FXR1: variants seen among roughly 807,000 people sequenced by gnomAD.
FXR1 encodes RNA-binding protein FXR1.
FXR1 carries 15 observed loss-of-function variants against 84.0 expected under a neutral mutation model. The observed-to-expected ratio is 0.18, with a 90% CI of 0.12 to 0.27. The LOEUF is 0.27. Ranked by LOEUF, FXR1 falls within the 10% of genes least tolerant of loss-of-function variation. The pLI is 1.00. For missense variants in FXR1, 480 were observed against 774.4 expected (o/e 0.62, Z 4.51); for synonymous variants, 245 against 250.7 (o/e 0.98, Z 0.21).
chr3:180,926,507 T>TATATATATATATATATA (rs397991792), intron 1 of FXR1, among the ~76,000 whole-genome samples: 15 of 79,194 alleles, frequency 1.9e-4, no homozygotes, highest in Non-Finnish European at 1.3e-4. Context: ...TATATATATA[T>TATATATATATATATATA]TTTTTTTTCT....
chr3:180,968,511 C>T (rs1713125526), intron 14 of FXR1: 2 of 305,054 alleles, frequency 6.6e-6, no homozygotes, highest in Non-Finnish European at 1.2e-5. Context: ...ATGTTTCTCT[C>T]TTCAGGTTTT....
intron 9 of FXR1, among the ~76,000 whole-genome samples, chr3:180,954,902 A>G (rs1221174357): frequency 1.7e-4 from 20 of 119,022 alleles, no homozygotes; most frequent in African/African-American, 6.4e-4. Context: ...TTTGGTCATT[A>G]GTAAGTAGTA....
intron 3 of FXR1, among the ~76,000 whole-genome samples, chr3:180,935,920 T>A (rs1273933773): frequency 6.6e-6 from 1 of 150,810 alleles, no homozygotes; most frequent in Non-Finnish European, 1.5e-5. Flanking sequence ...TGAGATGGAG[T>A]TTCCCTCGTC....
intron 16 of FXR1, 50 bp from the exon 17 acceptor site, chr3:180,976,072 C>T (rs371309803): frequency 2.7e-6 from 4 of 1,455,868 alleles, no homozygotes; most frequent in African/African-American, 1.4e-5. Flanking sequence ...TCCTCCTCAG[C>T]TATAGATTTC....
At chr3:180,935,686 A>G (rs1159699049) in intron 3 of FXR1, among the ~76,000 whole-genome samples, 1 of 152,194 alleles carries the variant, frequency 6.6e-6, no homozygotes, top group Non-Finnish European at 1.5e-5. Context: ...TCTGCCTTCT[A>G]CAATATTCTA....
At position 180,981,931 on chromosome 3, in the gene FXR1, T is replaced by C. The variant is rs1320639050; in HGVS notation, c.*5639T>C. 2.0e-5 allele frequency: 3 copies of C among 152,020 alleles called. No individual in the cohort carries two copies. Among genetic ancestry groups the C allele is most frequent in the Non-Finnish European group, 2.9e-5 (2 of 67,948 alleles). The allele number at this position is 152,020 out of a possible 1,614,324, so 9.4% of individuals were successfully genotyped here. ...CAAAGTGTGTTTAATCATGCCGCCT[T>C]CTTTAAAATATATCTGGAAGCACCA... On this transcript the variant is annotated 3_prime_UTR_variant, in exon 17 of 17. Transcript: ENST00000357559.
At chr3:180,920,492 A>G (rs1178409125) in intron 1 of FXR1, among the ~76,000 whole-genome samples, 1 of 151,814 alleles carries the variant, frequency 6.6e-6, no homozygotes, top group Non-Finnish European at 1.5e-5. Flanking sequence ...AAACTCTGCA[A>G]CGAGAAAGTC....
At chr3:180,961,204 G>A (rs995725415) in intron 10 of FXR1, among the ~76,000 whole-genome samples, 2 of 151,892 alleles carry the variant, frequency 1.3e-5, no homozygotes, top group African/African-American at 4.8e-5. Flanking sequence ...GCTGGTTGTG[G>A]TGACACGCAT....
At chr3:180,955,029 C>T (rs1722611073) in intron 9 of FXR1, among the ~76,000 whole-genome samples, 2 of 145,054 alleles carry the variant, frequency 1.4e-5, no homozygotes, top group Non-Finnish European at 3.0e-5. Context: ...TGCTTTGTCA[C>T]TCAGGCTGGA....
intron 1 of FXR1, among the ~76,000 whole-genome samples, chr3:180,924,025 C>G (rs1718880615): frequency 6.6e-6 from 1 of 152,058 alleles, no homozygotes; most frequent in Admixed American, 6.6e-5. Flanking sequence ...GTGGCGTGGT[C>G]TTGGCCCACT....
intron 16 of FXR1, among the ~76,000 whole-genome samples, chr3:180,975,727 T>C (rs1714156363): frequency 6.6e-6 from 1 of 152,196 alleles, no homozygotes; most frequent in Admixed American, 6.5e-5. Context: ...CTTTTAAATT[T>C]TAGTTCTTTT....
At chr3:180,963,477 CTCTT>C (rs565965737) in intron 13 of FXR1, among the ~76,000 whole-genome samples, 93 of 152,160 alleles carry the variant, frequency 6.1e-4, no homozygotes, top group Non-Finnish European at 1.0e-3. Flanking sequence ...TTTGTCTACC[CTCTT>C]TAAGTAAAAA....
At chr3:180,956,322 A>G (rs146611637) in intron 9 of FXR1, among the ~76,000 whole-genome samples, 1 of 152,308 alleles carries the variant, frequency 6.6e-6, no homozygotes, top group East Asian at 1.9e-4. Flanking sequence ...CTCAATTTAT[A>G]CTACAGGTCT....
chr3:180,942,816 G>A (rs989606071), intron 3 of FXR1, among the ~76,000 whole-genome samples: 4 of 152,084 alleles, frequency 2.6e-5, no homozygotes, highest in African/African-American at 7.2e-5. Context: ...TGACAGATTC[G>A]TAAATCAATT....
chr3:180,976,462 C>T lies in FXR1; in HGVS notation c.*170C>T. 1 of 494,928 alleles carries T rather than the reference C, an allele frequency of 2.0e-6. No individual in the cohort carries two copies. The highest frequency in any genetic ancestry group is 3.6e-6 in the Non-Finnish European group (1 of 275,924). The allele number at this position is 494,928 out of a possible 1,614,324, so 30.7% of individuals were successfully genotyped here. A position where few individuals can be genotyped will look rare whatever the true frequency, so the allele number is the denominator to read the frequency against. On this transcript the variant is annotated 3_prime_UTR_variant, in exon 17 of 17. Transcript: ENST00000357559. Reference sequence around the variant, plus strand: ...CTGAAGAAATCATATGTTAAACATACTTTGACACCTACTGTGTTATAAAAT... The same window carrying T: ...CTGAAGAAATCATATGTTAAACATATTTTGACACCTACTGTGTTATAAAAT...
chr3:180,945,142 C>G (rs1721565484), intron 3 of FXR1, among the ~76,000 whole-genome samples: 1 of 152,192 alleles, frequency 6.6e-6, no homozygotes, highest in Non-Finnish European at 1.5e-5. Flanking sequence ...GTTATTCTTA[C>G]AGTTGGATCA....
At chr3:180,927,672 A>G (rs1719388427) in intron 1 of FXR1, 2 of 531,220 alleles carry the variant, frequency 3.8e-6, no homozygotes, top group Non-Finnish European at 3.3e-6. Flanking sequence ...CGTCTAAAAA[A>G]AAATGAGTAG....
chr3:180,950,720 A>G (rs1475616823), intron 7 of FXR1, among the ~76,000 whole-genome samples: 1 of 152,104 alleles, frequency 6.6e-6, no homozygotes. Context: ...ACCTCATGTA[A>G]GTAAAATCAT....
In FXR1 at chr3:180,978,193, AAAAG is replaced by A. The variant is rs1714407754; in HGVS notation, c.*1903_*1906del. On this transcript the variant is annotated 3_prime_UTR_variant, in exon 17 of 17. Coordinates refer to ENST00000357559, the MANE Select transcript of FXR1 (RefSeq NM_005087.4). ...GGTAAATATGGTGTAAAAAAAAAAA[AAAAG>A]ACTTTTCATTTTCTCCCACATAGAA... The A allele has an allele frequency of 6.6e-6, 1 of 151,902 alleles. No individual in the cohort carries two copies. Among genetic ancestry groups the A allele is most frequent in the South Asian group, 2.1e-4 (1 of 4,822 alleles). 9.4% of individuals were successfully genotyped at this position (151,902 alleles called of 1,614,324 possible).
Sources: gnomAD v4.1 joint callset for allele counts (sites outside exome capture counted in the v4.1 genomes callset) on GRCh38, gnomAD v4.1.1 for gene constraint, MANE v1.5 for transcripts, NCBI Gene and HGNC (gene_info 2026-07-23, HGNC 2026-07-21) for gene names.